HELLS: variants seen among roughly 807,000 people sequenced by gnomAD.
HELLS encodes the protein lymphoid-specific helicase.
HELLS carries 32 observed loss-of-function variants against 120.0 expected under a neutral mutation model. That is an observed-to-expected ratio of 0.27 (90% CI 0.20 to 0.36). The LOEUF (loss-of-function observed/expected upper bound fraction) is 0.36, where lower values mean the gene tolerates loss of function less well. Among genes scored for constraint, HELLS ranks in the 10% least tolerant of loss-of-function variants. HELLS has a pLI of 1.00. For synonymous variants in HELLS, 341 were observed against 323.4 expected (o/e 1.05, Z -0.58); for missense variants, 650 against 993.4 (o/e 0.65, Z 4.65).
intron 2 of HELLS, among the ~76,000 whole-genome samples, chr10:94,549,268 T>C (rs1193908938): frequency 6.6e-6 from 1 of 152,188 alleles, no homozygotes; most frequent in South Asian, 2.1e-4. Flanking sequence ...CCTTTTCTTT[T>C]GGGAGAATAC....
chr10:94,585,397 G>GTTTTTTTTTT (rs1345027562), intron 12 of HELLS, among the ~76,000 whole-genome samples: 3 of 75,288 alleles, frequency 4.0e-5, no homozygotes, highest in Non-Finnish European at 5.7e-5. Flanking sequence ...TTTTTTTTTT[G>GTTTTTTTTTT]TTTTTTTGGT....
intron 19 of HELLS, 71 bp from the exon 20 acceptor site, chr10:94,596,789 A>G (rs1423387800): frequency 2.6e-6 from 2 of 776,506 alleles, no homozygotes; most frequent in Admixed American, 4.7e-5. Flanking sequence ...AGCCATTGTG[A>G]TTGGTTTGTA....
At chr10:94,581,672 G>C in intron 11 of HELLS, 150 bp downstream of exon 11, 1 of 508,990 alleles carries the variant, frequency 2.0e-6, no homozygotes, top group South Asian at 4.0e-5. Context: ...CACAAATTAT[G>C]TGAGAGCAGA....
At chr10:94,588,725 G>A (rs536467324) in intron 13 of HELLS, among the ~76,000 whole-genome samples, 5 of 152,284 alleles carry the variant, frequency 3.3e-5, no homozygotes, top group African/African-American at 1.2e-4. Context: ...TAGGACTTGG[G>A]TGAATTTCTA....
At position 94,576,941 on chromosome 10, in the gene HELLS, C is replaced by T. The variant is rs561598186; in HGVS notation, c.1032+136C>T. On this transcript the variant is annotated intron_variant, in intron 10 of 21. Transcript: ENST00000348459. ...AATAATAGATTATATTGTGCATATA[C>T]CTGTAGAAGCTGGAAACTTTTATTA... The T allele has an allele frequency of 8.3e-4, 585 of 703,214 alleles. 4 individuals are homozygous for T. The highest frequency in any genetic ancestry group is 3.6e-3 in the Admixed American group (118 of 33,126). 43.6% of individuals were successfully genotyped at this position (703,214 alleles called of 1,614,324 possible). A position where few individuals can be genotyped will look rare whatever the true frequency, so the allele number is the denominator to read the frequency against.
Position 94,590,643 on chromosome 10 carries a change from T to C in HELLS, c.1634T>C (p.Val545Ala). 1 of 1,609,066 alleles carries C rather than the reference T, an allele frequency of 6.2e-7. No individual in the cohort carries two copies. ...IQPEVDRERA[V>A]VEVNIPVESE... ...TGCATTATTTGTTTTGGTAGAGCTG[T>C]TGTGGAAGTGAATATCCCTGTAGAA... The change falls in exon 15 of 22, where the codon GTT becomes GCT. Residue 545 changes from valine (V) to alanine (A), a missense_variant. By Grantham distance (64) the Val-to-Ala change is moderately conservative (BLOSUM62 0). This residue lies in a region of HELLS where 191 missense variants were observed against 259.7 expected (regional missense o/e 0.74). Transcript: ENST00000348459.
chr10:94,567,420 T>C (rs879579036), intron 6 of HELLS, among the ~76,000 whole-genome samples: 2 of 152,118 alleles, frequency 1.3e-5, no homozygotes, highest in African/African-American at 2.4e-5. Context: ...TGCCTCAGCC[T>C]TCCGAGTAGC....
exon 10 of HELLS, chr10:94,611,585 A>G (rs1846194366): frequency 6.6e-6 from 1 of 152,150 alleles, no homozygotes; most frequent in Non-Finnish European, 1.5e-5. Context: ...TAAAGGGATT[A>G]TTTCTCTGAA....
intron 10 of HELLS, among the ~76,000 whole-genome samples, chr10:94,579,425 T>A (rs1428479700): frequency 1.3e-5 from 2 of 151,938 alleles, no homozygotes; most frequent in Admixed American, 1.3e-4. Flanking sequence ...ATGGTCTCGA[T>A]CTCCTGCCCT....
At chr10:94,611,818 C>A (rs945357735) in exon 10 of HELLS, 1 of 152,128 alleles carries the variant, frequency 6.6e-6, no homozygotes, top group African/African-American at 2.4e-5. Flanking sequence ...GAAACAATAC[C>A]TTTTACGGCA....
chr10:94,611,981 G>C (rs577156227), exon 10 of HELLS: 1 of 152,212 alleles, frequency 6.6e-6, no homozygotes, highest in African/African-American at 2.4e-5. Context: ...ATCAAATAAG[G>C]TACAGTATGT....
At chr10:94,571,354 TTATTA>T in intron 6 of HELLS, 29 bp from the exon 7 acceptor site, 1 of 1,397,628 alleles carries the variant, frequency 7.2e-7, no homozygotes, top group Non-Finnish European at 1.0e-6. Context: ...ACTTCATACA[TTATTA>T]ATTTGTTTTT....
At chr10:94,553,731 A>G (rs936657485) in intron 2 of HELLS, among the ~76,000 whole-genome samples, 3 of 151,666 alleles carry the variant, frequency 2.0e-5, no homozygotes, top group Non-Finnish European at 4.4e-5. Flanking sequence ...TATTTTTAGT[A>G]GAGATGGGGT....
chr10:94,585,798 C>T (rs1845114319), intron 12 of HELLS, among the ~76,000 whole-genome samples: 1 of 151,858 alleles, frequency 6.6e-6, no homozygotes, highest in Non-Finnish European at 1.5e-5. Flanking sequence ...AACTCATACT[C>T]CTGGGTTCAA....
intron 21 of HELLS, 151 bp downstream of exon 21, chr10:94,597,262 G>C (rs1678020105): frequency 1.9e-6 from 1 of 524,268 alleles, no homozygotes; most frequent in African/African-American, 2.0e-5. Context: ...TCAAATCTCA[G>C]ACATGACATT....
intron 12 of HELLS, among the ~76,000 whole-genome samples, chr10:94,586,475 C>T (rs1464834546): frequency 4.6e-5 from 7 of 152,138 alleles, no homozygotes; most frequent in Non-Finnish European, 7.4e-5. Flanking sequence ...GATTGCCTGT[C>T]GGCATATTTG....
chr10:94,604,845 T>C (rs1461920031), downstream of HELLS, among the ~76,000 whole-genome samples: 1 of 152,150 alleles, frequency 6.6e-6, no homozygotes, highest in Non-Finnish European at 1.5e-5. Flanking sequence ...CAGTAATTTA[T>C]ATCTAATCAC....
At chr10:94,573,682 T>C (rs1206463031) in intron 7 of HELLS, among the ~76,000 whole-genome samples, 1 of 152,104 alleles carries the variant, frequency 6.6e-6, no homozygotes, top group Non-Finnish European at 1.5e-5. Context: ...CAGGGTTGTC[T>C]TGGATACCTG....
At chr10:94,552,273 C>G (rs1843019709) in intron 2 of HELLS, among the ~76,000 whole-genome samples, 1 of 152,136 alleles carries the variant, frequency 6.6e-6, no homozygotes, top group South Asian at 2.1e-4. Flanking sequence ...TATCTACTAT[C>G]TAATCTATAA....
Sources: allele counts gnomAD v4.1 joint callset (sites outside exome capture counted in the v4.1 genomes callset), GRCh38; gene constraint gnomAD v4.1.1; regional missense constraint gnomAD v4.1.1; transcripts MANE v1.5; gene names NCBI Gene and HGNC (gene_info 2026-07-23, HGNC 2026-07-21).